The following PTK2B variants were observed in gnomAD, a reference collection of about 807,000 sequenced individuals.
PTK2B encodes the protein protein tyrosine kinase 2 beta.
Under a neutral mutation model 142.9 loss-of-function variants are expected in PTK2B, and 71 were observed. The observed-to-expected ratio is 0.50, with a 90% confidence interval of 0.41 to 0.61. The LOEUF (loss-of-function observed/expected upper bound fraction) is 0.61, where lower values mean the gene tolerates loss of function less well. Ranked by LOEUF, PTK2B falls within the 20% of genes least tolerant of loss-of-function variation. PTK2B has a pLI of 0.00. For synonymous variants in PTK2B, 519 were observed against 503.4 expected, an observed-to-expected ratio of 1.03 and a Z score of -0.42; for missense variants, 1,105 against 1,320.4, an observed-to-expected ratio of 0.84 and a Z score of 2.53.
chr8:27,442,735 T>G (rs1811230132), intron 21 of PTK2B, 140 bp from the exon 22 acceptor site: 1 of 659,200 alleles, frequency 1.5e-6, no homozygotes, highest in South Asian at 1.9e-5. Flanking sequence ...CAGGACACTC[T>G]GCAGTGAAGA....
chr8:27,330,195 G>T (rs972263292), intron 1 of PTK2B, among the ~76,000 whole-genome samples: 1 of 152,108 alleles, frequency 6.6e-6, no homozygotes, highest in Non-Finnish European at 1.5e-5. Flanking sequence ...TAATAATAGC[G>T]TCGAAGTACA....
chr8:27,434,721 G>T (rs1810667820), intron 13 of PTK2B, among the ~76,000 whole-genome samples, 162 bp downstream of exon 13: 1 of 152,152 alleles, frequency 6.6e-6, no homozygotes, highest in Non-Finnish European at 1.5e-5. Context: ...GTGAATTATG[G>T]CTGGGTGCAG....
At chr8:27,445,297 C>A (rs1811396774) in intron 23 of PTK2B, among the ~76,000 whole-genome samples, 1 of 152,128 alleles carries the variant, frequency 6.6e-6, no homozygotes, top group Non-Finnish European at 1.5e-5. Flanking sequence ...TCCGTAGTCC[C>A]AGCTATGTGG....
At chr8:27,387,280 C>G (rs895086469) in intron 1 of PTK2B, among the ~76,000 whole-genome samples, 1 of 152,124 alleles carries the variant, frequency 6.6e-6, no homozygotes, top group East Asian at 1.9e-4. Context: ...AGTCGCTTTT[C>G]CTCATCCTCA....
intron 15 of PTK2B, 45 bp downstream of exon 15, chr8:27,436,393 T>C: frequency 1.3e-6 from 2 of 1,554,242 alleles, no homozygotes; most frequent in East Asian, 2.2e-5. Context: ...CACATGTCTG[T>C]AGGGTGAGAC....
chr8:27,386,601 G>C (rs1393958957), intron 1 of PTK2B, among the ~76,000 whole-genome samples: 1 of 151,988 alleles, frequency 6.6e-6, no homozygotes, highest in African/African-American at 2.4e-5. Flanking sequence ...TTGCTTGAAG[G>C]GGCATTAAAA....
chr8:27,398,516 A>G (rs1808198193), intron 2 of PTK2B, among the ~76,000 whole-genome samples: 1 of 152,192 alleles, frequency 6.6e-6, no homozygotes, highest in Admixed American at 6.5e-5. Context: ...GCCTGGGCCA[A>G]TCCCTCTACA....
chr8:27,431,521 C>A (rs552979766), intron 9 of PTK2B, 49 bp downstream of exon 9: 2 of 1,607,914 alleles, frequency 1.2e-6, no homozygotes, highest in Non-Finnish European at 1.7e-6. Flanking sequence ...GGGAGGTCGT[C>A]CCCTCTCTGC....
At chr8:27,324,089 AC>A (rs1803294613), upstream of PTK2B, among the ~76,000 whole-genome samples, 1 of 152,170 alleles carries the variant, frequency 6.6e-6, no homozygotes. Context: ...CGGAGGGGAC[AC>A]CCACTGTCAG....
chr8:27,397,440 A>G, intron 1 of PTK2B, 108 bp from the exon 2 acceptor site: 1 of 822,074 alleles, frequency 1.2e-6, no homozygotes, highest in East Asian at 2.5e-5. Flanking sequence ...GGGAGAATAT[A>G]TAGCATTTGT....
intron 1 of PTK2B, among the ~76,000 whole-genome samples, chr8:27,341,784 C>A (rs1269294005): frequency 2.0e-5 from 3 of 152,118 alleles, no homozygotes; most frequent in Admixed American, 6.5e-5. Flanking sequence ...GCAATCCCCT[C>A]CACCTCAGCC....
upstream of PTK2B, among the ~76,000 whole-genome samples, chr8:27,320,827 C>T (rs147392748): frequency 1.1e-3 from 170 of 152,150 alleles, no homozygotes; most frequent in Admixed American, 2.1e-3. Context: ...ACTCAACCTT[C>T]AGCCCCTTTC....
At chr8:27,446,209 C>T (rs1586348202) in intron 24 of PTK2B, among the ~76,000 whole-genome samples, 1 of 152,292 alleles carries the variant, frequency 6.6e-6, no homozygotes, top group East Asian at 1.9e-4. Context: ...CTCCTGAGCC[C>T]CAGGGGTAGG....
intron 1 of PTK2B, among the ~76,000 whole-genome samples, chr8:27,353,381 A>G (rs1056124549): frequency 6.6e-5 from 10 of 152,122 alleles, no homozygotes; most frequent in Admixed American, 6.5e-4. Flanking sequence ...TTGCTAGGAC[A>G]TCTCAGATGC....
rs1337159172 is a variant in PTK2B at position 27,350,989 on chromosome 8, AAATATATATATATATATATATATAT to A, written c.-38+25310_-38+25334del. On this transcript the variant is annotated intron_variant, in intron 1 of 30. Coordinates refer to ENST00000346049, the MANE Select transcript of PTK2B (RefSeq NM_173176.3). ...AGTCTCCGTCTCAAAAAAAAAAAAAAAATATATATATATATATATATATATATATATATATATATATATATATATA... is the reference window on the plus strand; with the variant it reads ...AGTCTCCGTCTCAAAAAAAAAAAAAAATATATATATATATATATATATATA... Among the ~76,000 whole-genome samples the A allele has an allele frequency of 3.4e-4, 6 of 17,724 alleles. 2 individuals are homozygous for A. The highest frequency in any genetic ancestry group is 2.8e-3 in the East Asian group (4 of 1,448). 11.6% of individuals were successfully genotyped at this position (17,724 alleles called of 152,430 possible).
chr8:27,312,257 T>G (rs978645283), intron 1 of PTK2B: 5 of 152,260 alleles, frequency 3.3e-5, no homozygotes, highest in African/African-American at 1.2e-4. Context: ...CTGCATGTCT[T>G]GAGAGAGCAG....
intron 2 of PTK2B, among the ~76,000 whole-genome samples, chr8:27,417,241 A>G (rs529367639): frequency 6.6e-6 from 1 of 152,254 alleles, no homozygotes; most frequent in Non-Finnish European, 1.5e-5. Flanking sequence ...ACAAAGCAGA[A>G]CATTACCGAT....
intron 1 of PTK2B, among the ~76,000 whole-genome samples, chr8:27,390,660 A>G (rs1404710055): frequency 6.6e-6 from 1 of 152,128 alleles, no homozygotes; most frequent in East Asian, 1.9e-4. Flanking sequence ...ATAATAATTA[A>G]AATTAAATTT....
intron 1 of PTK2B, among the ~76,000 whole-genome samples, chr8:27,326,307 T>A (rs1396620599): frequency 4.0e-5 from 6 of 151,590 alleles, no homozygotes; most frequent in Non-Finnish European, 7.4e-5. Context: ...GCCTCCTGAG[T>A]GCCACTCAAG....
Sources: gnomAD v4.1 joint callset for allele counts (sites outside exome capture counted in the v4.1 genomes callset) on GRCh38, gnomAD v4.1.1 for gene constraint, MANE v1.5 for transcripts, NCBI Gene and HGNC (gene_info 2026-07-23, HGNC 2026-07-21) for gene names.